SCCPDH: variants seen among roughly 807,000 people sequenced by gnomAD.
SCCPDH encodes saccharopine dehydrogenase-like oxidoreductase.
Under a neutral mutation model 51.5 loss-of-function variants are expected in SCCPDH, and 34 were observed. The observed-to-expected ratio is 0.66, with a 90% CI of 0.50 to 0.88. The LOEUF is 0.88. Ranked by LOEUF, SCCPDH falls within the 40% of genes least tolerant of loss-of-function variation. The probability of loss-of-function intolerance (pLI) is 0.00; values close to 1 mark genes in which losing one functional copy is unlikely to be tolerated. For missense variants in SCCPDH, 464 were observed against 527.1 expected (o/e 0.88, Z 1.17); for synonymous variants, 187 against 191.3 (o/e 0.98, Z 0.19).
intron 9 of SCCPDH, among the ~76,000 whole-genome samples, chr1:246,762,841 C>CAA (rs35066232): frequency 8.8e-5 from 8 of 90,894 alleles, no homozygotes; most frequent in Admixed American, 2.4e-4. Flanking sequence ...ATTCCTTCTC[C>CAA]AAAAAAAAAA....
chr1:246,738,725 G>A (rs1362559042), intron 3 of SCCPDH, among the ~76,000 whole-genome samples: 2 of 151,930 alleles, frequency 1.3e-5, no homozygotes, highest in Admixed American at 1.3e-4. Flanking sequence ...GTGGTGGCAG[G>A]TGCTGTAAAC....
chr1:246,740,353 C>T (rs990739908), intron 4 of SCCPDH, 52 bp downstream of exon 4: 1 of 1,425,226 alleles, frequency 7.0e-7, no homozygotes, highest in Non-Finnish European at 9.4e-7. Context: ...CGTGCAAAGG[C>T]TTCATGTTTC....
chr1:246,758,214 A>G lies in SCCPDH; in HGVS notation c.565-12A>G, dbSNP rs763986409. 6.4e-7 allele frequency: 1 copy of G among 1,554,814 alleles called. No homozygotes were observed. The highest frequency in any genetic ancestry group is 1.2e-5 in the South Asian group (1 of 80,878). On this transcript the variant is annotated splice_polypyrimidine_tract_variant and intron_variant, in intron 5 of 11. Coordinates refer to ENST00000366510, the MANE Select transcript of SCCPDH (RefSeq NM_016002.3). The stretch of plus-strand genomic sequence containing the variant: ...CTTTCATGTTTCTTTAACTCTTGAA[A>G]TATTTTATTAGGGGTTGAGCATTCA...
intron 1 of SCCPDH, among the ~76,000 whole-genome samples, chr1:246,725,673 C>T (rs894068459): frequency 2.6e-5 from 4 of 152,170 alleles, no homozygotes; most frequent in African/African-American, 9.7e-5. Flanking sequence ...GTAATTCTGA[C>T]CAAAGAGCTT....
chr1:246,736,772 T>C (rs1668598543), intron 3 of SCCPDH, among the ~76,000 whole-genome samples: 1 of 152,196 alleles, frequency 6.6e-6, no homozygotes, highest in Non-Finnish European at 1.5e-5. Context: ...AATTCACTAG[T>C]GTAAAATCAA....
intron 2 of SCCPDH, among the ~76,000 whole-genome samples, chr1:246,732,584 T>C (rs1668507571): frequency 6.6e-6 from 1 of 152,182 alleles, no homozygotes; most frequent in Admixed American, 6.5e-5. Context: ...GACAGGGTTT[T>C]ACCAAATTGG....
chr1:246,752,816 T>G (rs532197830), intron 5 of SCCPDH, among the ~76,000 whole-genome samples: 1 of 152,336 alleles, frequency 6.6e-6, no homozygotes, highest in East Asian at 1.9e-4. Flanking sequence ...TTCCTGCCTC[T>G]GGAATTAACA....
chr1:246,758,140 T>C, intron 5 of SCCPDH, 86 bp from the exon 6 acceptor site: 1 of 1,003,930 alleles, frequency 1.0e-6, no homozygotes, highest in Non-Finnish European at 1.4e-6. Context: ...AAGTGAAATA[T>C]TGTTTGTAAC....
intron 10 of SCCPDH, 75 bp downstream of exon 10, chr1:246,764,432 T>C (rs967796277): frequency 2.8e-6 from 2 of 718,044 alleles, no homozygotes; most frequent in Non-Finnish European, 4.6e-6. Flanking sequence ...CATTACAATA[T>C]ATTCTTTTTA....
At chr1:246,727,057 C>A (rs991829244) in intron 2 of SCCPDH, 53 bp downstream of exon 2, 3 of 1,303,038 alleles carry the variant, frequency 2.3e-6, no homozygotes, top group Non-Finnish European at 3.3e-6. Flanking sequence ...TCATTTCTAG[C>A]AAAATATTCC....
At chr1:246,766,029 C>G in intron 10 of SCCPDH, 29 bp from the exon 11 acceptor site, 1 of 1,504,804 alleles carries the variant, frequency 6.6e-7, no homozygotes. Flanking sequence ...TGATTCCTTT[C>G]TTTTTCCCTG....
intron 2 of SCCPDH, among the ~76,000 whole-genome samples, chr1:246,735,418 T>G (rs1359420267): frequency 6.6e-6 from 1 of 152,254 alleles, no homozygotes; most frequent in East Asian, 1.9e-4. Flanking sequence ...GAATCACTTG[T>G]ATGAAACTTT....
At chr1:246,747,322 C>T (rs969933581) in intron 5 of SCCPDH, among the ~76,000 whole-genome samples, 2 of 152,268 alleles carry the variant, frequency 1.3e-5, no homozygotes, top group South Asian at 4.1e-4. Context: ...TTTGCTCATT[C>T]TTAAGCCAGT....
intron 1 of SCCPDH, among the ~76,000 whole-genome samples, chr1:246,724,855 C>G (rs1037375850): frequency 1.2e-4 from 18 of 152,054 alleles, no homozygotes; most frequent in African/African-American, 4.3e-4. Context: ...TTTCCTTCTC[C>G]TCTTTCCCGC....
intron 3 of SCCPDH, among the ~76,000 whole-genome samples, chr1:246,737,050 A>T (rs1572295212): frequency 6.6e-6 from 1 of 152,302 alleles, no homozygotes; most frequent in Middle Eastern, 3.4e-3. Context: ...GTTAACAGGC[A>T]TTAAGCTCTA....
At position 246,742,192 on chromosome 1, in the gene SCCPDH, A is replaced by G. The variant is rs552429494; in HGVS notation, c.515-1884A>G. ...GTGAAATGTGAATTGAACATCTACA[A>G]AATATTCAGTGTTCCAATCCTTAGA... On this transcript the variant is annotated intron_variant, in intron 4 of 11. Transcript: ENST00000366510. Among the ~76,000 whole-genome samples the G allele has an allele frequency of 9.2e-5, 14 of 152,318 alleles. No homozygotes were observed. In the South Asian group the frequency reaches 2.7e-3, roughly 29 times the overall value.
intron 2 of SCCPDH, among the ~76,000 whole-genome samples, chr1:246,731,868 C>G (rs1312155077): frequency 1.3e-5 from 2 of 152,046 alleles, no homozygotes; most frequent in Non-Finnish European, 2.9e-5. Context: ...ACCCCTGCCC[C>G]CCACCCCACG....
intron 5 of SCCPDH, among the ~76,000 whole-genome samples, chr1:246,745,807 G>T (rs1452575796): frequency 6.6e-6 from 1 of 152,086 alleles, no homozygotes; most frequent in Non-Finnish European, 1.5e-5. Context: ...CTCAGACACC[G>T]AGTTAAAGAA....
chr1:246,727,513 G>A (rs371998342), intron 2 of SCCPDH, among the ~76,000 whole-genome samples: 39 of 152,294 alleles, frequency 2.6e-4, no homozygotes, highest in African/African-American at 8.2e-4. Context: ...TGGACATTAC[G>A]TTCTTGGGGA....
Sources: allele counts gnomAD v4.1 joint callset (sites outside exome capture counted in the v4.1 genomes callset), GRCh38; gene constraint gnomAD v4.1.1; transcripts MANE v1.5; gene names NCBI Gene and HGNC (gene_info 2026-07-23, HGNC 2026-07-21).